OTUD7B: variants seen among roughly 807,000 people sequenced by gnomAD.
The protein encoded by OTUD7B is OTU deubiquitinase 7B.
OTUD7B carries 34 observed loss-of-function variants against 82.2 expected under a neutral mutation model. The observed-to-expected ratio is 0.41, with a 90% confidence interval of 0.31 to 0.55. OTUD7B has a LOEUF of 0.55. Ranked by LOEUF, OTUD7B falls within the 20% of genes least tolerant of loss-of-function variation. OTUD7B has a pLI of 0.20. For synonymous variants in OTUD7B, 398 were observed against 402.7 expected, an observed-to-expected ratio of 0.99 and a Z score of 0.14; for missense variants, 944 against 1,062.1, an observed-to-expected ratio of 0.89 and a Z score of 1.55.
chr1:150,019,361 G>A, the OTUD7B span, among the ~76,000 whole-genome samples: 1 of 151,144 alleles, frequency 6.6e-6, no homozygotes, highest in South Asian at 2.1e-4. Flanking sequence ...TCTTTGTTTT[G>A]TTTGTTTGTT....
the OTUD7B span, among the ~76,000 whole-genome samples, chr1:150,063,676 A>C: frequency 6.6e-6 from 1 of 152,164 alleles, no homozygotes; most frequent in Admixed American, 6.5e-5. Context: ...CAATTTACCT[A>C]CTCAGAAAGG....
chr1:150,060,740 A>G, the OTUD7B span, among the ~76,000 whole-genome samples: 1 of 152,310 alleles, frequency 6.6e-6, no homozygotes, highest in Non-Finnish European at 1.5e-5. Context: ...GCAAAAAGCT[A>G]TTATTAAATA....
intron 1 of OTUD7B, among the ~76,000 whole-genome samples, chr1:150,010,158 C>CA (rs1559872038): frequency 6.6e-6 from 1 of 152,110 alleles, no homozygotes; most frequent in Non-Finnish European, 1.5e-5. Flanking sequence ...GTCTAGCTGA[C>CA]AAGGGGGGAC....
chr1:149,950,271 GAGTAGAAAC>G (rs1559827766), intron 7 of OTUD7B, 50 bp from the exon 8 acceptor site: 4 of 1,597,920 alleles, frequency 2.5e-6, no homozygotes, highest in Middle Eastern at 1.7e-4. Context: ...AAAAATGAGA[GAGTAGAAAC>G]AGGAGACCCT....
At chr1:149,946,762 GA>G (rs1194361093) in intron 11 of OTUD7B, among the ~76,000 whole-genome samples, 130,444 of 131,128 alleles carry the variant, frequency 0.99, 64,908 homozygotes, top group Non-Finnish European at 1. Flanking sequence ...AAAAAAAAAG[GA>G]CAGGAAAGGC....
the OTUD7B span, among the ~76,000 whole-genome samples, chr1:150,042,153 CCCTT>C: frequency 1.4e-4 from 15 of 105,068 alleles, no homozygotes; most frequent in East Asian, 5.6e-4. Flanking sequence ...CTTCCTTCCT[CCCTT>C]CCTTCCTTCC....
intron 1 of OTUD7B, among the ~76,000 whole-genome samples, chr1:149,988,578 C>A (rs1478285217): frequency 6.6e-6 from 1 of 152,056 alleles, no homozygotes; most frequent in East Asian, 1.9e-4. Flanking sequence ...GGAAGACTTG[C>A]AAAAGGGAAG....
At chr1:150,052,856 C>T in the OTUD7B span, among the ~76,000 whole-genome samples, 1 of 145,370 alleles carries the variant, frequency 6.9e-6, no homozygotes, top group Non-Finnish European at 1.5e-5. Context: ...ACCAATGAAA[C>T]AGAATGCAGA....
rs2092754129 is a variant in OTUD7B, at chr1:149,940,502, A to C, written c.*3355T>G. 1.3e-5 allele frequency: 2 copies of C among 152,164 alleles called. No individual in the cohort carries two copies. Among genetic ancestry groups the C allele is most frequent in the African/African-American group, 4.8e-5 (2 of 41,412 alleles). 9.4% of individuals were successfully genotyped at this position (152,164 alleles called of 1,614,324 possible). On this transcript the variant is annotated 3_prime_UTR_variant, in exon 12 of 12. Coordinates refer to ENST00000581312, the MANE Select transcript of OTUD7B (RefSeq NM_020205.4). ...GGGGCAGAGAGCACAGCAGGGAGGG[A>C]GTAGCACTGTCTAACATCAAAAAGG...
In OTUD7B at chr1:150,002,243, C is replaced by T. The variant is rs587719128; in HGVS notation, c.-67+8205G>A. Reference sequence around the variant, plus strand: ...TAGATAAATATACTTTTAATCAGTGCCCAATTTATCATAGCTTATTTAACA... The same window carrying T: ...TAGATAAATATACTTTTAATCAGTGTCCAATTTATCATAGCTTATTTAACA... On this transcript the variant is annotated intron_variant, in intron 1 of 11. Transcript: ENST00000581312. Among the ~76,000 whole-genome samples the T allele has an allele frequency of 1.1e-4, 16 of 151,186 alleles. No individual in the cohort carries two copies. The South Asian group carries it at 3.1e-3, about 29-fold the overall frequency.
the OTUD7B span, among the ~76,000 whole-genome samples, chr1:150,027,124 T>C: frequency 1.3e-5 from 2 of 152,188 alleles, no homozygotes; most frequent in Non-Finnish European, 2.9e-5. Context: ...TGTTGTGTTG[T>C]ATTGGGCTGT....
the OTUD7B span, among the ~76,000 whole-genome samples, chr1:150,024,029 C>T: frequency 5.3e-5 from 8 of 152,178 alleles, no homozygotes; most frequent in African/African-American, 1.9e-4. Context: ...CTAATTTTGA[C>T]ACATCAGATA....
chr1:150,014,577 C>T (rs1553788136), upstream of OTUD7B, among the ~76,000 whole-genome samples: 1 of 152,044 alleles, frequency 6.6e-6, no homozygotes, highest in African/African-American at 2.4e-5. Context: ...CAAACTAGAA[C>T]ATTTTAAATG....
At chr1:150,013,298 G>T (rs946616638), upstream of OTUD7B, among the ~76,000 whole-genome samples, 1 of 152,162 alleles carries the variant, frequency 6.6e-6, no homozygotes, top group Admixed American at 6.6e-5. Context: ...ATCACTTTAA[G>T]CAAGAGCAGA....
the OTUD7B span, among the ~76,000 whole-genome samples, chr1:150,031,186 T>G: frequency 6.6e-6 from 1 of 152,184 alleles, no homozygotes; most frequent in Non-Finnish European, 1.5e-5. Context: ...AAAGAAAAAT[T>G]TAAGTAACAT....
upstream of OTUD7B, among the ~76,000 whole-genome samples, chr1:150,014,151 C>T (rs587612107): frequency 1.6e-3 from 224 of 141,270 alleles, 2 homozygotes; most frequent in African/African-American, 5.6e-3. Flanking sequence ...GAAATCCCAG[C>T]ACTTTGGGAG....
intron 1 of OTUD7B, among the ~76,000 whole-genome samples, chr1:150,006,857 G>A (rs1378227456): frequency 6.6e-6 from 1 of 152,198 alleles, no homozygotes; most frequent in East Asian, 1.9e-4. Context: ...TATCCCTTCA[G>A]GTTAGGATGG....
chr1:150,053,607 G>T, the OTUD7B span, among the ~76,000 whole-genome samples: 1 of 151,930 alleles, frequency 6.6e-6, no homozygotes, highest in African/African-American at 2.4e-5. Context: ...TGTTGGTCAG[G>T]CTGGTCTCGA....
At chr1:149,945,681 C>T (rs1304606018) in intron 11 of OTUD7B, among the ~76,000 whole-genome samples, 3 of 152,114 alleles carry the variant, frequency 2.0e-5, no homozygotes, top group Non-Finnish European at 4.4e-5. Context: ...TCTCCTAGTG[C>T]CCAAAACAGA....
Sources: allele counts gnomAD v4.1 joint callset (sites outside exome capture counted in the v4.1 genomes callset), GRCh38; gene constraint gnomAD v4.1.1; transcripts MANE v1.5; gene names NCBI Gene and HGNC (gene_info 2026-07-23, HGNC 2026-07-21).